GRIA4: variants seen among roughly 807,000 people sequenced by gnomAD.
The protein encoded by GRIA4 is glutamate receptor 4.
In GRIA4, 34 loss-of-function variants were observed where a neutral mutation model predicts 104.0. That is an observed-to-expected ratio of 0.33 (90% confidence interval 0.25 to 0.44). The LOEUF (loss-of-function observed/expected upper bound fraction) is 0.44, where lower values mean the gene tolerates loss of function less well. Among genes scored for constraint, GRIA4 ranks in the 20% least tolerant of loss-of-function variants. The pLI, the probability that GRIA4 is intolerant of heterozygous loss-of-function variation, is 1.00. For missense variants in GRIA4, 750 were observed against 1,096.5 expected (o/e 0.68, Z 4.46); for synonymous variants, 386 against 381.9 (o/e 1.01, Z -0.13).
At chr11:105,684,850 G>C (rs1165429271) in intron 3 of GRIA4, among the ~76,000 whole-genome samples, 3 of 151,410 alleles carry the variant, frequency 2.0e-5, no homozygotes, top group Non-Finnish European at 4.4e-5. Flanking sequence ...TGATGAAAGT[G>C]GGTTTTTAAA....
intron 5 of GRIA4, among the ~76,000 whole-genome samples, chr11:105,878,902 G>A (rs1945940525): frequency 1.3e-5 from 2 of 152,156 alleles, no homozygotes; most frequent in Non-Finnish European, 2.9e-5. Flanking sequence ...GGAGTAAATG[G>A]TTCTGTCTCA....
At chr11:105,762,718 T>C (rs183378423) in intron 4 of GRIA4, among the ~76,000 whole-genome samples, 5 of 152,316 alleles carry the variant, frequency 3.3e-5, no homozygotes, top group Non-Finnish European at 7.4e-5. Context: ...GATGGTTTTA[T>C]AAAGGGAAGT....
chr11:105,886,846 A>AT (rs1267778937), intron 5 of GRIA4, among the ~76,000 whole-genome samples: 20 of 151,654 alleles, frequency 1.3e-4, no homozygotes, highest in Non-Finnish European at 5.9e-5. Context: ...GATCTCTAGA[A>AT]TTTTTTTTAA....
At chr11:105,611,169 T>C in intron 2 of GRIA4, 84 bp downstream of exon 2, 2 of 943,022 alleles carry the variant, frequency 2.1e-6, no homozygotes, top group Non-Finnish European at 3.5e-6. Flanking sequence ...TGATAAGCAA[T>C]TCAGGGAAAC....
intron 3 of GRIA4, among the ~76,000 whole-genome samples, chr11:105,741,724 C>T (rs1939321507): frequency 6.6e-6 from 1 of 152,132 alleles, no homozygotes; most frequent in Non-Finnish European, 1.5e-5. Context: ...ATTTTGAGGT[C>T]TGTCAATATT....
chr11:105,890,273 T>G (rs935785280), intron 6 of GRIA4, among the ~76,000 whole-genome samples: 2 of 152,212 alleles, frequency 1.3e-5, no homozygotes, highest in Non-Finnish European at 1.5e-5. Context: ...ATATAGGTGT[T>G]CTTTAGATTC....
intron 4 of GRIA4, among the ~76,000 whole-genome samples, chr11:105,824,285 G>A (rs991356859): frequency 2.0e-5 from 3 of 151,992 alleles, no homozygotes; most frequent in African/African-American, 7.3e-5. Flanking sequence ...ACTCTCAATG[G>A]CAACCACTTT....
intron 3 of GRIA4, among the ~76,000 whole-genome samples, chr11:105,648,455 T>C (rs1181240088): frequency 6.6e-6 from 1 of 151,434 alleles, no homozygotes; most frequent in African/African-American, 2.4e-5. Flanking sequence ...TTTTATAGTA[T>C]ATAAAATAAT....
chr11:105,683,193 G>A (rs941581524), intron 3 of GRIA4, among the ~76,000 whole-genome samples: 1 of 151,812 alleles, frequency 6.6e-6, no homozygotes, highest in African/African-American at 2.4e-5. Flanking sequence ...GGTATTTAAT[G>A]CGATTATGTT....
chr11:105,691,968 A>C (rs1033567840), intron 3 of GRIA4, among the ~76,000 whole-genome samples: 2 of 151,314 alleles, frequency 1.3e-5, no homozygotes, highest in African/African-American at 4.9e-5. Flanking sequence ...AAAAATGTAA[A>C]TATATATCTC....
intron 4 of GRIA4, among the ~76,000 whole-genome samples, chr11:105,777,339 G>A (rs1941494404): frequency 6.6e-6 from 1 of 152,056 alleles, no homozygotes; most frequent in Admixed American, 6.6e-5. Flanking sequence ...ATATGCTTCA[G>A]TTAGCTAGAA....
intron 4 of GRIA4, among the ~76,000 whole-genome samples, chr11:105,767,962 G>A (rs1021248817): frequency 1.3e-5 from 2 of 152,144 alleles, no homozygotes; most frequent in Middle Eastern, 3.4e-3. Context: ...AGAGTAAGCA[G>A]GTCCTAGACA....
At chr11:105,768,648 AG>A (rs945406654) in intron 4 of GRIA4, among the ~76,000 whole-genome samples, 1 of 152,024 alleles carries the variant, frequency 6.6e-6, no homozygotes, top group Admixed American at 6.6e-5. Flanking sequence ...TTTTGGGGAA[AG>A]GGGGTGTTTG....
chr11:105,694,880 C>T (rs564715770), intron 3 of GRIA4, among the ~76,000 whole-genome samples: 1 of 152,192 alleles, frequency 6.6e-6, no homozygotes, highest in Non-Finnish European at 1.5e-5. Flanking sequence ...GCATTTTAGG[C>T]AATATAGGAT....
chr11:105,773,617 T>A (rs531542509), intron 4 of GRIA4, among the ~76,000 whole-genome samples: 1 of 152,164 alleles, frequency 6.6e-6, no homozygotes, highest in Non-Finnish European at 1.5e-5. Context: ...TAACATGTAT[T>A]TCCCAAGCAC....
At chr11:105,794,510 T>TATATATATATATATATATAC (rs1555010377) in intron 4 of GRIA4, among the ~76,000 whole-genome samples, 3 of 121,672 alleles carry the variant, frequency 2.5e-5, no homozygotes, top group African/African-American at 9.8e-5. Flanking sequence ...TATATATATA[T>TATATATATATATATATATAC]ATACATATAC....
At chr11:105,973,942 A>T (rs1488196571) in intron 15 of GRIA4, among the ~76,000 whole-genome samples, 1 of 152,132 alleles carries the variant, frequency 6.6e-6, no homozygotes, top group African/African-American at 2.4e-5. Context: ...CCATAATTGG[A>T]TTTTTAAACC....
chr11:105,637,389 A>C (rs1951234587), intron 3 of GRIA4, among the ~76,000 whole-genome samples: 1 of 152,182 alleles, frequency 6.6e-6, no homozygotes, highest in South Asian at 2.1e-4. Context: ...TCTCTGAGGA[A>C]TAGTATCACT....
intron 14 of GRIA4, among the ~76,000 whole-genome samples, chr11:105,941,234 C>CT (rs1565355725): frequency 1.3e-5 from 2 of 152,022 alleles, no homozygotes; most frequent in Admixed American, 6.6e-5. Context: ...TCAAAAAAGT[C>CT]TTTTTTTATG....
Sources: allele counts gnomAD v4.1 joint callset (sites outside exome capture counted in the v4.1 genomes callset), GRCh38; gene constraint gnomAD v4.1.1; transcripts MANE v1.5; gene names NCBI Gene and HGNC (gene_info 2026-07-23, HGNC 2026-07-21).